Variants in SLC7A14 observed in about 807,000 individuals in gnomAD.
SLC7A14 encodes solute carrier family 7 member 14.
SLC7A14 carries 37 observed loss-of-function variants against 60.2 expected under a neutral mutation model. That is an observed-to-expected ratio of 0.61 (90% CI 0.47 to 0.81). The LOEUF is 0.81. Ranked by LOEUF, SLC7A14 falls within the 30% of genes least tolerant of loss-of-function variation. SLC7A14 has a pLI of 0.00. For synonymous variants in SLC7A14, 399 were observed against 395.8 expected (o/e 1.01, Z -0.10); for missense variants, 886 against 982.7 (o/e 0.90, Z 1.32).
chr3:170,579,642 A>C (rs1277880582), intron 1 of SLC7A14, among the ~76,000 whole-genome samples: 1 of 152,224 alleles, frequency 6.6e-6, no homozygotes, highest in Non-Finnish European at 1.5e-5. Context: ...ATTCCTGGAA[A>C]AGGATAATAT....
intron 1 of SLC7A14, among the ~76,000 whole-genome samples, chr3:170,562,614 A>C (rs1714685583): frequency 6.6e-6 from 1 of 152,030 alleles, no homozygotes; most frequent in African/African-American, 2.4e-5. Context: ...TACTCATACC[A>C]CCTGTTCCCC....
At chr3:170,524,095 G>A (rs1430322014) in intron 2 of SLC7A14, among the ~76,000 whole-genome samples, 1 of 152,108 alleles carries the variant, frequency 6.6e-6, no homozygotes, top group East Asian at 1.9e-4. Context: ...GCTTGGTGCT[G>A]TGGTGAAGGC....
chr3:170,479,067 G>A (rs1397860702), intron 7 of SLC7A14, among the ~76,000 whole-genome samples: 3 of 152,080 alleles, frequency 2.0e-5, no homozygotes, highest in Non-Finnish European at 4.4e-5. Flanking sequence ...GGTTGCAGTG[G>A]GCCATGATCA....
At chr3:170,524,783 ACTC>A (rs1489154893) in intron 2 of SLC7A14, among the ~76,000 whole-genome samples, 1 of 152,098 alleles carries the variant, frequency 6.6e-6, no homozygotes, top group Non-Finnish European at 1.5e-5. Context: ...AGGAGAGAAA[ACTC>A]CTCAATTCTG....
At position 170,532,945 on chromosome 3, in the gene SLC7A14, T is replaced by A. The variant is rs1427933868; in HGVS notation, c.-152-5857A>T. 6.6e-6 allele frequency among the ~76,000 whole-genome samples: 1 copy of A among 152,218 alleles called. No individual in the cohort carries two copies. Among genetic ancestry groups the A allele is most frequent in the East Asian group, 1.9e-4 (1 of 5,192 alleles). On this transcript the variant is annotated intron_variant, in intron 1 of 7. Transcript: ENST00000231706. This position sits in a 1 kb window ranked among gnomAD's most constrained non-coding sequence, Gnocchi z 4.0. ...TAAAGGGGCCTTCAGCAGATTTGCT[T>A]AGGCCTTTGGGTGTTATGCCTCCTC... is the stretch of plus-strand genomic sequence containing the variant.
rs1045440548 is a variant in SLC7A14, at chr3:170,475,870, G to A, written c.1993+4419C>T. Among the ~76,000 whole-genome samples, 22 of 152,152 alleles carry A rather than the reference G, an allele frequency of 1.4e-4. No individual in the cohort carries two copies. The East Asian group carries it at 1.5e-3, about 11-fold the overall frequency. On this transcript the variant is annotated intron_variant, in intron 7 of 7. Transcript: ENST00000231706. Reference sequence around the variant, plus strand: ...TGGGATTACAGGTGCCCGCCACCACGCCTGGCTAATTTTTGTATTTTTAGT... The same window carrying A: ...TGGGATTACAGGTGCCCGCCACCACACCTGGCTAATTTTTGTATTTTTAGT...
intron 1 of SLC7A14, among the ~76,000 whole-genome samples, chr3:170,553,963 C>T (rs1054153114): frequency 6.6e-6 from 1 of 151,304 alleles, no homozygotes; most frequent in Non-Finnish European, 1.5e-5. Flanking sequence ...TAGAAAGAAG[C>T]AGTACCCATT....
intron 4 of SLC7A14, among the ~76,000 whole-genome samples, chr3:170,489,569 C>T (rs1472356902): frequency 6.6e-6 from 1 of 152,194 alleles, no homozygotes; most frequent in African/African-American, 2.4e-5. Context: ...ACCATATGTT[C>T]CAGCAATCCC....
chr3:170,537,952 AT>A (rs5854375), intron 1 of SLC7A14, among the ~76,000 whole-genome samples: 77,501 of 151,964 alleles, frequency 0.51, 20,252 homozygotes, highest in East Asian at 0.63. Context: ...TTCTAAACAT[AT>A]TTTTTTTCTT....
At chr3:170,508,146 A>G (rs1285973815) in intron 2 of SLC7A14, among the ~76,000 whole-genome samples, 1 of 152,214 alleles carries the variant, frequency 6.6e-6, no homozygotes, top group Non-Finnish European at 1.5e-5. Flanking sequence ...ATCAGCTTTT[A>G]AGGATTCAAA....
At position 170,585,626 on chromosome 3, in the gene SLC7A14, G is replaced by C. The variant is rs2108322184; in HGVS notation, c.-153+285C>G. ...GCCGCGCTGGCCCCCGCCCCGCCCG[G>C]CAGCTCCCGCGAGTCAGAGCCCGGT... is the stretch of plus-strand genomic sequence containing the variant. On this transcript the variant is annotated intron_variant, in intron 1 of 7. Transcript: ENST00000231706. This position sits in a 1 kb window ranked among gnomAD's most constrained non-coding sequence, Gnocchi z 5.1. Among the ~76,000 whole-genome samples the C allele has an allele frequency of 6.6e-6, 1 of 152,188 alleles. No individual in the cohort carries two copies. The highest frequency in any genetic ancestry group is 6.5e-5 in the Admixed American group (1 of 15,298).
At chr3:170,486,852 A>G (rs1169120504) in intron 4 of SLC7A14, among the ~76,000 whole-genome samples, 3 of 141,206 alleles carry the variant, frequency 2.1e-5, no homozygotes, top group Non-Finnish European at 3.0e-5. Context: ...AGCCTCGGCG[A>G]CAGAGGGAGA....
At chr3:170,583,759 A>G (rs537101152) in intron 1 of SLC7A14, among the ~76,000 whole-genome samples, 1 of 152,346 alleles carries the variant, frequency 6.6e-6, no homozygotes, top group East Asian at 1.9e-4. Flanking sequence ...TTAGTTCTCT[A>G]ACTTGTTTCC....
chr3:170,552,517 T>C (rs1215481744), intron 1 of SLC7A14, among the ~76,000 whole-genome samples: 1 of 152,228 alleles, frequency 6.6e-6, no homozygotes, highest in Non-Finnish European at 1.5e-5. Flanking sequence ...TTGACCTGTG[T>C]GATTGTCTGG....
intron 3 of SLC7A14, among the ~76,000 whole-genome samples, chr3:170,499,167 G>A (rs1403225147): frequency 6.7e-6 from 1 of 148,236 alleles, no homozygotes; most frequent in African/African-American, 2.5e-5. Flanking sequence ...AACCTGGGAG[G>A]TGGAGCTTGC....
intron 7 of SLC7A14, among the ~76,000 whole-genome samples, chr3:170,472,119 A>G (rs1285712532): frequency 2.0e-5 from 3 of 151,504 alleles, no homozygotes. Context: ...CTGTAATCCC[A>G]GCACTTTGGG....
chr3:170,512,654 ATTTTTTTTTTTTT>A (rs71176570), intron 2 of SLC7A14, among the ~76,000 whole-genome samples: 5 of 63,130 alleles, frequency 7.9e-5, no homozygotes, highest in Non-Finnish European at 1.4e-4. Flanking sequence ...TACAATTTGC[ATTTTTTTTTTTTT>A]TTTTTTTTTT....
chr3:170,553,744 A>G (rs373193474), intron 1 of SLC7A14, among the ~76,000 whole-genome samples: 18 of 152,334 alleles, frequency 1.2e-4, no homozygotes, highest in African/African-American at 4.1e-4. Flanking sequence ...TCTGAATTGC[A>G]GCTGCTATGT....
intron 1 of SLC7A14, among the ~76,000 whole-genome samples, chr3:170,556,413 T>C (rs964559513): frequency 6.6e-6 from 1 of 152,216 alleles, no homozygotes; most frequent in African/African-American, 2.4e-5. Flanking sequence ...TGGGCAAGTA[T>C]CTTAGCCTTT....
Sources: allele counts gnomAD v4.1 joint callset (sites outside exome capture counted in the v4.1 genomes callset), GRCh38; gene constraint gnomAD v4.1.1; non-coding constraint Gnocchi (gnomAD v3.1); transcripts MANE v1.5; gene names NCBI Gene and HGNC (gene_info 2026-07-23, HGNC 2026-07-21).